KSR1: variants seen among roughly 807,000 people sequenced by gnomAD.
KSR1 encodes kinase suppressor of ras.
KSR1 carries 35 observed loss-of-function variants against 92.9 expected under a neutral mutation model. The observed-to-expected ratio is 0.38, with a 90% confidence interval of 0.29 to 0.50. The LOEUF is 0.50. KSR1 is among the 20% of genes least tolerant of loss of function. KSR1 has a pLI of 0.94. For missense variants in KSR1, 972 were observed against 1,158.5 expected, an observed-to-expected ratio of 0.84 and a Z score of 2.34; for synonymous variants, 467 against 472.6, an observed-to-expected ratio of 0.99 and a Z score of 0.15.
At chr17:27,478,981 C>T (rs1028328170) in intron 1 of KSR1, among the ~76,000 whole-genome samples, 2 of 151,216 alleles carry the variant, frequency 1.3e-5, no homozygotes, top group African/African-American at 2.4e-5. Context: ...CTTCCATGCT[C>T]CTCCCTACGT....
intron 2 of KSR1, among the ~76,000 whole-genome samples, chr17:27,565,893 A>T (rs758875399): frequency 3.9e-5 from 6 of 152,124 alleles, no homozygotes; most frequent in Admixed American, 3.9e-4. Context: ...TTTCATTTGC[A>T]TGGACTCCAG....
intron 3 of KSR1, chr17:27,578,988 T>C (rs1012886652): frequency 7.9e-5 from 12 of 152,214 alleles, no homozygotes; most frequent in Non-Finnish European, 1.5e-4. Flanking sequence ...GGCTTTGAAC[T>C]CAGGTTTCTT....
chr17:27,589,383 G>A (rs558618625), intron 6 of KSR1, among the ~76,000 whole-genome samples: 26 of 152,096 alleles, frequency 1.7e-4, no homozygotes, highest in Non-Finnish European at 2.6e-4. Flanking sequence ...ATCTCTTACC[G>A]AGAAGCTCTG....
At chr17:27,623,179 G>A in intron 20 of KSR1, 135 bp from the exon 21 acceptor site, 1 of 689,234 alleles carries the variant, frequency 1.5e-6, no homozygotes. Flanking sequence ...CTCTGCCAGG[G>A]CTGTTGGCCA....
chr17:27,601,584 CCT>C lies in KSR1; in HGVS notation c.1510+186_1510+187del, dbSNP rs1304063966. On this transcript the variant is annotated intron_variant, in intron 11 of 20. Transcript: ENST00000644974. ...GCAGGGCAAGTGCCCTGGTGGTAGG[CCT>C]CTTACGTGAGAAGTTCTTGCTGGGA... Among the ~76,000 whole-genome samples, 5 of 152,220 alleles carry C rather than the reference CCT, an allele frequency of 3.3e-5. No homozygotes were observed. The East Asian group carries it at 9.6e-4, about 29-fold the overall frequency.
chr17:27,567,341 A>G (rs1284356938), intron 2 of KSR1, among the ~76,000 whole-genome samples: 1 of 152,154 alleles, frequency 6.6e-6, no homozygotes, highest in Non-Finnish European at 1.5e-5. Flanking sequence ...CTGTAATCCC[A>G]GCAATTTGGG....
chr17:27,596,263 T>C (rs1182191078), intron 9 of KSR1, among the ~76,000 whole-genome samples: 1 of 152,210 alleles, frequency 6.6e-6, no homozygotes, highest in African/African-American at 2.4e-5. Flanking sequence ...AATGAGCCAG[T>C]GTTGGAGAGG....
chr17:27,607,087 C>T (rs1215000938), intron 14 of KSR1, among the ~76,000 whole-genome samples: 2 of 152,178 alleles, frequency 1.3e-5, no homozygotes, highest in Non-Finnish European at 2.9e-5. Context: ...CCACCTCAGC[C>T]TCCCAAAGTG....
Position 27,601,786 on chromosome 17 carries a change from G to GA in KSR1, c.1510+386dup, listed in dbSNP as rs1281726453. 11 of 792,532 alleles carry GA rather than the reference G, an allele frequency of 1.4e-5. No individual in the cohort carries two copies. The East Asian group carries it at 2.7e-4, about 19-fold the overall frequency. The allele number at this position is 792,532 out of a possible 1,614,324, so 49.1% of individuals were successfully genotyped here. A position where few individuals can be genotyped will look rare whatever the true frequency, so the allele number is the denominator to read the frequency against. ...GTCACCGTATCCTCCCTTGCACAAT[G>GA]ATGGGAGGATATCTTATGCACAATG... On this transcript the variant is annotated intron_variant, in intron 11 of 20. Transcript: ENST00000644974.
chr17:27,565,280 T>A (rs948433901), intron 2 of KSR1, among the ~76,000 whole-genome samples: 1 of 152,248 alleles, frequency 6.6e-6, no homozygotes, highest in African/African-American at 2.4e-5. Context: ...GAATTTATGC[T>A]GTAATTCTTT....
chr17:27,524,838 G>A (rs2070191662), intron 1 of KSR1, among the ~76,000 whole-genome samples: 1 of 152,162 alleles, frequency 6.6e-6, no homozygotes, highest in Admixed American at 6.5e-5. Context: ...GGCAGGGAGG[G>A]GGCTCTGGGT....
intron 18 of KSR1, among the ~76,000 whole-genome samples, 158 bp downstream of exon 18, chr17:27,611,787 G>A (rs894303265): frequency 1.1e-4 from 17 of 152,090 alleles, no homozygotes; most frequent in South Asian, 2.1e-4. Flanking sequence ...TGCATTGCCC[G>A]GGAATGGGGA....
At chr17:27,585,851 T>A (rs1290219027) in intron 5 of KSR1, 190 bp downstream of exon 5, 1 of 629,394 alleles carries the variant, frequency 1.6e-6, no homozygotes, top group African/African-American at 1.8e-5. Flanking sequence ...ACTGGCTGGC[T>A]TCAGCCCAGC....
At chr17:27,499,049 A>G (rs1468966612) in intron 1 of KSR1, among the ~76,000 whole-genome samples, 1 of 152,152 alleles carries the variant, frequency 6.6e-6, no homozygotes, top group Non-Finnish European at 1.5e-5. Context: ...TTGGTTTTAG[A>G]GCAGGGCCAG....
intron 1 of KSR1, among the ~76,000 whole-genome samples, chr17:27,536,068 C>T (rs2151054304): frequency 6.6e-6 from 1 of 152,346 alleles, no homozygotes; most frequent in Admixed American, 6.5e-5. Context: ...GGAGCAGCGG[C>T]TTGTGCTGTT....
intron 18 of KSR1, among the ~76,000 whole-genome samples, chr17:27,612,009 G>A (rs1437272301): frequency 6.6e-6 from 1 of 151,982 alleles, no homozygotes; most frequent in Admixed American, 6.6e-5. Context: ...GCTATGCTGT[G>A]GTATTAAATC....
At chr17:27,505,872 A>T (rs2069360467) in intron 1 of KSR1, among the ~76,000 whole-genome samples, 1 of 152,200 alleles carries the variant, frequency 6.6e-6, no homozygotes, top group Non-Finnish European at 1.5e-5. Context: ...TCTTACTTGA[A>T]GCACCGTGGT....
At position 27,559,077 on chromosome 17, in the gene KSR1, C is replaced by G. The variant is rs1004325327; in HGVS notation, c.372+8369C>G. Among the ~76,000 whole-genome samples the G allele has an allele frequency of 1.3e-5, 2 of 152,168 alleles. No homozygotes were observed. The highest frequency in any genetic ancestry group is 4.8e-5 in the African/African-American group (2 of 41,416). Reference sequence around the variant, plus strand: ...ATCTAAATACCATTTCAGATTTTGTCTTTTGGTTGGATAGTGTTTGCGGTC... The same window carrying G: ...ATCTAAATACCATTTCAGATTTTGTGTTTTGGTTGGATAGTGTTTGCGGTC... On this transcript the variant is annotated intron_variant, in intron 2 of 20. Transcript: ENST00000644974. The surrounding 1 kb of genome is among the most constrained non-coding windows in gnomAD (Gnocchi z 4.2).
intron 1 of KSR1, among the ~76,000 whole-genome samples, chr17:27,526,094 T>TTCTTTCTCTCTC (rs55706224): frequency 0.15 from 18,152 of 118,334 alleles, 1,807 homozygotes; most frequent in South Asian, 0.26. Context: ...CTTTCTTTCT[T>TTCTTTCTCTCTC]TCTCTCTCTC....
Sources: allele counts gnomAD v4.1 joint callset (sites outside exome capture counted in the v4.1 genomes callset), GRCh38; gene constraint gnomAD v4.1.1; non-coding constraint Gnocchi (gnomAD v3.1); transcripts MANE v1.5; gene names NCBI Gene and HGNC (gene_info 2026-07-23, HGNC 2026-07-21).